Variants in PEX5L observed in about 807,000 individuals in gnomAD.
PEX5L encodes the protein peroxisomal biogenesis factor 5 like.
In PEX5L, 30 loss-of-function variants were observed where a neutral mutation model predicts 84.0. That is an observed-to-expected ratio of 0.36 (90% CI 0.27 to 0.48). The LOEUF (loss-of-function observed/expected upper bound fraction) is 0.48. Ranked by LOEUF, PEX5L falls within the 20% of genes least tolerant of loss-of-function variation. The pLI is 0.99. For synonymous variants in PEX5L, 270 were observed against 283.1 expected (o/e 0.95, Z 0.46); for missense variants, 533 against 754.6 (o/e 0.71, Z 3.44).
chr3:179,983,523 G>A (rs868333330), intron 1 of PEX5L, among the ~76,000 whole-genome samples: 1 of 151,712 alleles, frequency 6.6e-6, no homozygotes, highest in African/African-American at 2.4e-5. Flanking sequence ...TTGCACTGAT[G>A]GTATAAAAAC....
chr3:179,879,959 T>C lies in PEX5L; in HGVS notation c.475A>G (p.Arg159Gly), dbSNP rs758009954. 1.2e-6 allele frequency: 2 copies of C among 1,605,880 alleles called. No individual in the cohort carries two copies. The highest frequency in any genetic ancestry group is 2.7e-5 in the African/African-American group (2 of 74,464). The change falls in exon 5 of 15, where the codon AGA becomes GGA. Residue 159 changes from arginine (R) to glycine (G), a missense_variant. Physicochemically the swap from Arg to Gly is moderately radical, Grantham distance 125. Transcript: ENST00000467460. ...TCTAAGGATGAAGTCTCCGGGACTC[T>C]GAGAGGCTGGCCTCTCTGCTCAGCA... ...TDAEQRGQPL[R>G]VPETSSLDLD...
At position 179,827,230 on chromosome 3, in the gene PEX5L, G is replaced by A. The variant is rs138108591; in HGVS notation, c.823-7254C>T. ...TAGAACACAATGGGAATACCCGGGCGTGACTTTTGAGGCTAGGCCCTAAAA... is the reference window on the plus strand; with the variant it reads ...TAGAACACAATGGGAATACCCGGGCATGACTTTTGAGGCTAGGCCCTAAAA... On this transcript the variant is annotated intron_variant, in intron 8 of 14. Coordinates refer to ENST00000467460, the MANE Select transcript of PEX5L (RefSeq NM_016559.3). 1.6e-4 allele frequency among the ~76,000 whole-genome samples: 24 copies of A among 152,236 alleles called. No homozygotes were observed. In the East Asian group the frequency reaches 3.5e-3, roughly 22 times the overall value.
At chr3:179,884,583 T>C (rs899637950) in intron 4 of PEX5L, among the ~76,000 whole-genome samples, 6 of 152,232 alleles carry the variant, frequency 3.9e-5, no homozygotes, top group African/African-American at 1.4e-4. Context: ...ATTGTTACGG[T>C]GACAATAGAA....
At chr3:179,946,447 C>T (rs908955409) in intron 2 of PEX5L, among the ~76,000 whole-genome samples, 1 of 152,122 alleles carries the variant, frequency 6.6e-6, no homozygotes, top group Admixed American at 6.6e-5. Context: ...TCCTTGTTTA[C>T]AGGTCAAACA....
At chr3:180,022,197 C>T (rs1212577251) in intron 1 of PEX5L, among the ~76,000 whole-genome samples, 2 of 152,098 alleles carry the variant, frequency 1.3e-5, no homozygotes, top group African/African-American at 4.8e-5. Flanking sequence ...AATGTTACTT[C>T]TTAGTCCTTC....
chr3:179,976,453 G>T (rs529847915), intron 1 of PEX5L, among the ~76,000 whole-genome samples: 2 of 151,828 alleles, frequency 1.3e-5, no homozygotes, highest in East Asian at 1.9e-4. Flanking sequence ...GGAGGGGTGT[G>T]GGGGGAAGGA....
At chr3:180,015,968 T>C (rs1789913482) in intron 1 of PEX5L, among the ~76,000 whole-genome samples, 1 of 151,520 alleles carries the variant, frequency 6.6e-6, no homozygotes, top group Non-Finnish European at 1.5e-5. Context: ...TGAAAAGGCA[T>C]AATGGGATAT....
chr3:179,931,169 A>T (rs1772991518), intron 2 of PEX5L, among the ~76,000 whole-genome samples: 1 of 152,236 alleles, frequency 6.6e-6, no homozygotes. Flanking sequence ...CCAAGATTTA[A>T]GCTGAGTGTC....
chr3:179,835,358 G>T (rs903670065), intron 8 of PEX5L, among the ~76,000 whole-genome samples: 2 of 148,180 alleles, frequency 1.3e-5, no homozygotes, highest in Non-Finnish European at 3.0e-5. Flanking sequence ...TGTTATTGTT[G>T]TTGCTTTTTT....
At chr3:179,820,002 G>C in intron 8 of PEX5L, 26 bp from the exon 9 acceptor site, 1 of 1,613,154 alleles carries the variant, frequency 6.2e-7, no homozygotes, top group Non-Finnish European at 8.5e-7. Context: ...AATGAATGGA[G>C]ATGGATTTAA....
intron 8 of PEX5L, among the ~76,000 whole-genome samples, chr3:179,824,516 A>C (rs974129886): frequency 6.6e-6 from 1 of 152,108 alleles, no homozygotes; most frequent in Non-Finnish European, 1.5e-5. Context: ...GACCGGCCTG[A>C]CCAACATGGA....
chr3:179,921,784 C>A (rs889882110), intron 2 of PEX5L: 3 of 152,188 alleles, frequency 2.0e-5, no homozygotes, highest in Non-Finnish European at 4.4e-5. Flanking sequence ...TGCATTCATG[C>A]GCATCCCCTA....
rs1754099624 is a variant in PEX5L at position 179,881,314 on chromosome 3, C to T, written c.311-1191G>A. 2.0e-5 allele frequency: 3 copies of T among 152,306 alleles called. No individual in the cohort carries two copies. In the South Asian group the frequency reaches 6.2e-4, roughly 32 times the overall value. 9.4% of individuals were successfully genotyped at this position (152,306 alleles called of 1,614,324 possible). On this transcript the variant is annotated intron_variant, in intron 4 of 14. Transcript: ENST00000467460. ...GCATGGGCTTCATGAGTTAACCATTCCTATGGGATCTTTAGGATGGTGTGT... is the reference window on the plus strand; with the variant it reads ...GCATGGGCTTCATGAGTTAACCATTTCTATGGGATCTTTAGGATGGTGTGT...
intron 1 of PEX5L, among the ~76,000 whole-genome samples, chr3:179,976,435 T>G (rs1785794542): frequency 6.6e-6 from 1 of 151,822 alleles, no homozygotes; most frequent in African/African-American, 2.4e-5. Context: ...TTTCTTTTCT[T>G]TTTTTTTGGA....
chr3:179,882,373 C>G (rs1224348677), intron 4 of PEX5L, among the ~76,000 whole-genome samples: 1 of 152,234 alleles, frequency 6.6e-6, no homozygotes, highest in East Asian at 1.9e-4. Flanking sequence ...TTCTTTCCCC[C>G]TCCAAAGTGT....
At chr3:179,910,925 C>A (rs1764945019) in intron 2 of PEX5L, among the ~76,000 whole-genome samples, 1 of 152,124 alleles carries the variant, frequency 6.6e-6, no homozygotes, top group Non-Finnish European at 1.5e-5. Flanking sequence ...TGTCAATACA[C>A]GTATGAAGTT....
chr3:179,977,774 T>C (rs945983485), intron 1 of PEX5L, among the ~76,000 whole-genome samples: 3 of 152,200 alleles, frequency 2.0e-5, no homozygotes, highest in African/African-American at 7.2e-5. Context: ...GAAATTATTA[T>C]TTTTACAGAG....
At chr3:180,002,562 G>A (rs1788520981) in intron 1 of PEX5L, among the ~76,000 whole-genome samples, 1 of 151,950 alleles carries the variant, frequency 6.6e-6, no homozygotes, top group Admixed American at 6.6e-5. Flanking sequence ...ATTGTGTTTT[G>A]GGTCTGTTTA....
At chr3:179,992,485 A>G (rs746048613) in intron 1 of PEX5L, among the ~76,000 whole-genome samples, 24 of 152,222 alleles carry the variant, frequency 1.6e-4, no homozygotes, top group African/African-American at 5.1e-4. Flanking sequence ...ATTATGATGC[A>G]TGGTAGGTGC....
Sources: gnomAD v4.1 joint callset for allele counts (sites outside exome capture counted in the v4.1 genomes callset) on GRCh38, gnomAD v4.1.1 for gene constraint, MANE v1.5 for transcripts, NCBI Gene and HGNC (gene_info 2026-07-23, HGNC 2026-07-21) for gene names.